RGS20: variants seen among roughly 807,000 people sequenced by gnomAD.
RGS20 encodes the protein regulator of G protein signaling 20.
A neutral mutation model predicts 33.6 loss-of-function variants in RGS20; 30 were observed. The ratio of observed to expected loss-of-function variants is 0.89; its 90% CI spans 0.67 to 1.21. RGS20 has a LOEUF of 1.21. Among genes scored for constraint, RGS20 ranks in the 50% most tolerant of loss-of-function variants. RGS20 has a pLI of 0.00. For missense variants in RGS20, 472 were observed against 502.4 expected (o/e 0.94, Z 0.58); for synonymous variants, 208 against 197.9 (o/e 1.05, Z -0.43).
At chr8:53,883,100 AT>A (rs1188811249) in intron 2 of RGS20, among the ~76,000 whole-genome samples, 2 of 150,470 alleles carry the variant, frequency 1.3e-5, no homozygotes, top group East Asian at 1.9e-4. Context: ...TCCAAACCTA[AT>A]TTTTTTGGGG....
intron 1 of RGS20, among the ~76,000 whole-genome samples, chr8:53,878,036 C>A (rs979259312): frequency 6.6e-6 from 1 of 152,258 alleles, no homozygotes; most frequent in Non-Finnish European, 1.5e-5. Flanking sequence ...CTGGGACCCA[C>A]GCCCAACCCA....
intron 5 of RGS20, 143 bp downstream of exon 4, chr8:53,954,453 G>T: frequency 1.8e-6 from 1 of 561,100 alleles, no homozygotes; most frequent in Non-Finnish European, 3.2e-6. Flanking sequence ...CACCTGAGGT[G>T]AGGAGTTGGA....
intron 1 of RGS20, among the ~76,000 whole-genome samples, chr8:53,858,863 A>C (rs1311294557): frequency 2.0e-5 from 3 of 150,168 alleles, no homozygotes; most frequent in Non-Finnish European, 3.0e-5. Context: ...TGTCTGAAAA[A>C]TATCCAGCAA....
At chr8:53,903,617 G>T (rs1259159311) in intron 2 of RGS20, among the ~76,000 whole-genome samples, 3 of 152,150 alleles carry the variant, frequency 2.0e-5, no homozygotes, top group Non-Finnish European at 4.4e-5. Flanking sequence ...CTTCTTCCCA[G>T]CCTGAGCCAA....
intron 3 of RGS20, among the ~76,000 whole-genome samples, chr8:53,940,981 C>T (rs1814274998): frequency 6.6e-6 from 1 of 152,170 alleles, no homozygotes. Flanking sequence ...TGAGACCATC[C>T]TCCTAGAGAT....
intron 1 of RGS20, among the ~76,000 whole-genome samples, chr8:53,866,281 G>A (rs867368098): frequency 3.9e-5 from 6 of 152,236 alleles, no homozygotes; most frequent in Middle Eastern, 6.8e-3. Context: ...TCAGCAAATC[G>A]CAGAAGGTCT....
At chr8:53,926,827 C>T (rs547374664) in intron 2 of RGS20, among the ~76,000 whole-genome samples, 3 of 152,010 alleles carry the variant, frequency 2.0e-5, no homozygotes, top group Non-Finnish European at 2.9e-5. Context: ...GCAGGAGAAT[C>T]GCTTGAACCC....
chr8:53,891,645 C>A (rs1812712212), intron 2 of RGS20, among the ~76,000 whole-genome samples: 1 of 152,050 alleles, frequency 6.6e-6, no homozygotes, highest in African/African-American at 2.4e-5. Context: ...CTGCCTTGAC[C>A]TATTGACATT....
At chr8:53,956,789 A>G (rs190358937) in intron 5 of RGS20, among the ~76,000 whole-genome samples, 27 of 152,258 alleles carry the variant, frequency 1.8e-4, no homozygotes, top group Non-Finnish European at 3.1e-4. Context: ...TGGCTTCCAC[A>G]TATTTTTATT....
At chr8:53,902,022 A>G (rs949956547) in intron 2 of RGS20, among the ~76,000 whole-genome samples, 1 of 151,194 alleles carries the variant, frequency 6.6e-6, no homozygotes, top group Admixed American at 6.6e-5. Flanking sequence ...TCTACTTTTT[A>G]TTTTTTTTTC....
At chr8:53,854,154 C>A (rs1208379104) in intron 1 of RGS20, among the ~76,000 whole-genome samples, 2 of 151,900 alleles carry the variant, frequency 1.3e-5, no homozygotes, top group African/African-American at 4.8e-5. Flanking sequence ...GGGAGAAAAT[C>A]TTTATGAGGT....
rs553073202 is a variant in RGS20 at position 53,879,643 on chromosome 8, C to G, written c.510+41C>G. On this transcript the variant is annotated intron_variant, in intron 2 of 5. Coordinates refer to ENST00000297313, the MANE Select transcript of RGS20 (RefSeq NM_170587.4). ...TCCACTACGCCCCACACCCAGCCTCCCCAGGACACCAGCCTCTCCCGATTC... is the reference window on the plus strand; with the variant it reads ...TCCACTACGCCCCACACCCAGCCTCGCCAGGACACCAGCCTCTCCCGATTC... 10 of 1,382,942 alleles carry G rather than the reference C, an allele frequency of 7.2e-6. No individual in the cohort carries two copies. In the African/African-American group the frequency reaches 1.5e-4, roughly 21 times the overall value. The allele number at this position is 1,382,942 out of a possible 1,614,324, so 85.7% of individuals were successfully genotyped here.
At chr8:53,869,465 C>A (rs1208786373) in intron 1 of RGS20, among the ~76,000 whole-genome samples, 1 of 152,110 alleles carries the variant, frequency 6.6e-6, no homozygotes, top group Non-Finnish European at 1.5e-5. Flanking sequence ...CACTTGAGGT[C>A]AGGAGTTCGA....
chr8:53,892,682 T>C (rs1050966249), intron 2 of RGS20, among the ~76,000 whole-genome samples: 5 of 152,206 alleles, frequency 3.3e-5, no homozygotes, highest in African/African-American at 1.2e-4. Flanking sequence ...ACGTAATACA[T>C]GTACAGCAGA....
rs1472596103 is a variant in RGS20, at chr8:53,879,563, G to A, written c.471G>A (p.Arg157=). The change falls in exon 2 of 6, where the codon AGG becomes AGA. Residue 157 remains arginine (R), a synonymous_variant. Coordinates refer to ENST00000297313, the MANE Select transcript of RGS20 (RefSeq NM_170587.4). ...CCCCCCATCCGGTAGCCAAGCCCAG[G>A]GAAGAAGACGCCACCGCTGGGCAGA... 3 of 1,539,476 alleles carry A rather than the reference G, an allele frequency of 1.9e-6. No homozygotes were observed. Among genetic ancestry groups the A allele is most frequent in the Middle Eastern group, 1.8e-4 (1 of 5,598 alleles).
chr8:53,938,107 C>G (rs1814186795), intron 2 of RGS20, among the ~76,000 whole-genome samples: 1 of 152,134 alleles, frequency 6.6e-6, no homozygotes, highest in African/African-American at 2.4e-5. Context: ...AGGCACTGTT[C>G]ACAGTAGCAA....
At position 53,891,089 on chromosome 8, in the gene RGS20, T is replaced by C. The variant is rs561649015; in HGVS notation, c.510+11487T>C. On this transcript the variant is annotated intron_variant, in intron 2 of 5. Transcript: ENST00000297313. ...GCCATGTGTTTGAGGAAGTCCTTGT[T>C]ACTGAAGGGGACTTGTTCTGCCACA... Among the ~76,000 whole-genome samples, 16 of 152,324 alleles carry C rather than the reference T, an allele frequency of 1.1e-4. No homozygotes were observed. The South Asian group carries it at 3.3e-3, about 32-fold the overall frequency.
intron 2 of RGS20, among the ~76,000 whole-genome samples, chr8:53,901,951 G>A (rs1475456957): frequency 6.6e-6 from 1 of 152,194 alleles, no homozygotes; most frequent in Admixed American, 6.5e-5. Flanking sequence ...GAGGTAGTTG[G>A]AGATTGTTCA....
intron 2 of RGS20, among the ~76,000 whole-genome samples, chr8:53,895,665 G>A (rs1247123766): frequency 6.8e-6 from 1 of 147,108 alleles, no homozygotes; most frequent in Non-Finnish European, 1.5e-5. Flanking sequence ...TTTTTTTTGA[G>A]ACAGGGTCTT....
Sources: gnomAD v4.1 joint callset for allele counts (sites outside exome capture counted in the v4.1 genomes callset) on GRCh38, gnomAD v4.1.1 for gene constraint, MANE v1.5 for transcripts, NCBI Gene and HGNC (gene_info 2026-07-23, HGNC 2026-07-21) for gene names.